Variants in ARID2 observed in about 807,000 individuals in gnomAD.
ARID2 encodes AT-rich interaction domain 2, also known as AT-rich interactive domain-containing protein 2.
Under a neutral mutation model 184.6 loss-of-function variants are expected in ARID2, and 32 were observed. The observed-to-expected ratio is 0.17, with a 90% CI of 0.13 to 0.23. The LOEUF is 0.23. Ranked by LOEUF, ARID2 falls within the 10% of genes least tolerant of loss-of-function variation. The pLI is 1.00. For synonymous variants in ARID2, 836 were observed against 772.6 expected, an observed-to-expected ratio of 1.08 and a Z score of -1.36; for missense variants, 1,696 against 2,197.6, an observed-to-expected ratio of 0.77 and a Z score of 4.56.
intron 3 of ARID2, among the ~76,000 whole-genome samples, chr12:45,740,059 C>G (rs1382921654): frequency 6.6e-6 from 1 of 152,122 alleles, no homozygotes; most frequent in Non-Finnish European, 1.5e-5. Context: ...TCCCAGTGTG[C>G]TTGCAAATAA....
chr12:45,899,538 G>A (rs1340661521), intron 20 of ARID2, among the ~76,000 whole-genome samples: 6 of 149,826 alleles, frequency 4.0e-5, no homozygotes, highest in Non-Finnish European at 4.4e-5. Context: ...CACAGGAGGC[G>A]GAGCTTGCAG....
intron 3 of ARID2, among the ~76,000 whole-genome samples, chr12:45,734,253 C>T (rs1009580093): frequency 6.6e-6 from 1 of 152,156 alleles, no homozygotes; most frequent in Non-Finnish European, 1.5e-5. Context: ...CCTGTAATCC[C>T]AGCTACTTGG....
intron 16 of ARID2, among the ~76,000 whole-genome samples, chr12:45,886,982 C>T (rs1291136073): frequency 6.6e-6 from 1 of 152,224 alleles, no homozygotes; most frequent in Non-Finnish European, 1.5e-5. Context: ...TAACATTCAG[C>T]TCCTTGTTAC....
chr12:45,895,731 C>T (rs1392980520), intron 20 of ARID2, among the ~76,000 whole-genome samples: 1 of 152,150 alleles, frequency 6.6e-6, no homozygotes, highest in Non-Finnish European at 1.5e-5. Flanking sequence ...GACAGAGTTT[C>T]ACCATGTTGG....
At chr12:45,885,905 A>G (rs1944179085) in intron 16 of ARID2, among the ~76,000 whole-genome samples, 1 of 152,172 alleles carries the variant, frequency 6.6e-6, no homozygotes, top group Admixed American at 6.5e-5. Flanking sequence ...GGGAACTACA[A>G]TTCAAGGTGA....
chr12:45,772,946 T>G (rs1241545995), intron 3 of ARID2, among the ~76,000 whole-genome samples: 1 of 152,124 alleles, frequency 6.6e-6, no homozygotes, highest in Non-Finnish European at 1.5e-5. Context: ...TATCCAACAG[T>G]AGCAGAATAT....
intron 16 of ARID2, among the ~76,000 whole-genome samples, chr12:45,888,683 T>C (rs1202424820): frequency 6.6e-6 from 1 of 152,188 alleles, no homozygotes; most frequent in Non-Finnish European, 1.5e-5. Context: ...ATACATATCA[T>C]CAAATTTAAG....
At chr12:45,742,717 T>G (rs1941286809) in intron 3 of ARID2, among the ~76,000 whole-genome samples, 1 of 152,202 alleles carries the variant, frequency 6.6e-6, no homozygotes, top group South Asian at 2.1e-4. Flanking sequence ...CCAGTGTTAC[T>G]GTAGTAAATA....
At chr12:45,811,587 G>A (rs770468570) in intron 4 of ARID2, 36 bp downstream of exon 4, 3 of 1,599,650 alleles carry the variant, frequency 1.9e-6, no homozygotes, top group South Asian at 1.1e-5. Context: ...ATATATGTCC[G>A]CAGTTTTGAA....
At chr12:45,828,515 A>T (rs1291685440) in intron 6 of ARID2, among the ~76,000 whole-genome samples, 1 of 152,052 alleles carries the variant, frequency 6.6e-6, no homozygotes, top group African/African-American at 2.4e-5. Context: ...GGGTATGCAT[A>T]TCTGTATTCA....
At chr12:45,773,315 T>TA (rs1471061483) in intron 3 of ARID2, among the ~76,000 whole-genome samples, 2 of 152,036 alleles carry the variant, frequency 1.3e-5, no homozygotes, top group Non-Finnish European at 2.9e-5. Context: ...CTCAAATTGA[T>TA]ACAGCCGTCT....
At position 45,898,630 on chromosome 12, in the gene ARID2, A is replaced by G. The variant is rs1376859387; in HGVS notation, c.5363+4909A>G. ...AGAGAATTTTTGTTTAAATGGGTGGATTGGGCCAGACGCGGTGGCTTATGC... is the reference window on the plus strand; with the variant it reads ...AGAGAATTTTTGTTTAAATGGGTGGGTTGGGCCAGACGCGGTGGCTTATGC... On this transcript the variant is annotated intron_variant, in intron 20 of 20. Coordinates refer to ENST00000334344, the MANE Select transcript of ARID2 (RefSeq NM_152641.4). 2.6e-5 allele frequency among the ~76,000 whole-genome samples: 4 copies of G among 152,160 alleles called. No individual in the cohort carries two copies. The East Asian group carries it at 7.7e-4, about 29-fold the overall frequency.
At chr12:45,849,800 A>G (rs1391564825) in intron 14 of ARID2, 24 bp downstream of exon 14, 4 of 1,589,210 alleles carry the variant, frequency 2.5e-6, no homozygotes, top group East Asian at 2.2e-5. Flanking sequence ...TTGTATTTTT[A>G]AAGTATTACT....
rs1401801451 is a variant in ARID2, at chr12:45,850,779, C to T, written c.2656C>T (p.Pro886Ser). 1 of 1,614,130 alleles carries T rather than the reference C, an allele frequency of 6.2e-7. No homozygotes were observed. The highest frequency in any genetic ancestry group is 8.5e-7 in the Non-Finnish European group (1 of 1,179,998). ...QMVTIAGVPS[P>S]QASRVGFQNI... ...GGTTACTATTGCTGGTGTCCCAAGTCCACAAGCCTCAAGGGTAGGGTTTCA... is the reference window on the plus strand; with the variant it reads ...GGTTACTATTGCTGGTGTCCCAAGTTCACAAGCCTCAAGGGTAGGGTTTCA... Residue 886 changes from proline (P) to serine (S), a missense_variant, in exon 15 of 21, where the codon CCA (proline) becomes TCA (serine). Pro to Ser is a moderately conservative substitution (Grantham distance 74, BLOSUM62 -1). This residue lies in a region of ARID2 where 713 missense variants were observed against 824.4 expected (regional missense o/e 0.86). Coordinates refer to ENST00000334344, the MANE Select transcript of ARID2 (RefSeq NM_152641.4).
chr12:45,820,047 A>G (rs1297723660), intron 5 of ARID2, among the ~76,000 whole-genome samples: 2 of 151,920 alleles, frequency 1.3e-5, no homozygotes, highest in African/African-American at 4.8e-5. Flanking sequence ...CCCGGCCCCT[A>G]GGGAAGTTTT....
Position 45,817,665 on chromosome 12 carries a change from G to A in ARID2, c.419-5G>A, listed in dbSNP as rs773370365. The A allele has an allele frequency of 2.5e-6, 4 of 1,588,826 alleles. No homozygotes were observed. The East Asian group carries it at 9.0e-5, about 36-fold the overall frequency. On this transcript the variant is annotated splice_region_variant and splice_polypyrimidine_tract_variant and intron_variant, in intron 4 of 20. Coordinates refer to ENST00000334344, the MANE Select transcript of ARID2 (RefSeq NM_152641.4). Reference sequence around the variant, plus strand: ...TATACTTAAGGTATTTTTTTTCTTTGTTAGATTATCTGCGTCAAAGTTATG... The same window carrying A: ...TATACTTAAGGTATTTTTTTTCTTTATTAGATTATCTGCGTCAAAGTTATG...
intron 16 of ARID2, among the ~76,000 whole-genome samples, chr12:45,879,289 T>C (rs1252318689): frequency 1.3e-5 from 2 of 152,148 alleles, no homozygotes; most frequent in Non-Finnish European, 2.9e-5. Flanking sequence ...TCTGGTAAAG[T>C]CGTTTTTCAT....
At chr12:45,855,720 C>T (rs1943635367) in intron 15 of ARID2, among the ~76,000 whole-genome samples, 1 of 152,052 alleles carries the variant, frequency 6.6e-6, no homozygotes, top group Non-Finnish European at 1.5e-5. Context: ...TAATTTCTTT[C>T]TTTTTTGGGT....
At chr12:45,745,293 T>G (rs1029678386) in intron 3 of ARID2, among the ~76,000 whole-genome samples, 3 of 152,196 alleles carry the variant, frequency 2.0e-5, no homozygotes, top group Non-Finnish European at 4.4e-5. Context: ...ATCGTCAGTC[T>G]TAATACTAGA....
Sources: allele counts gnomAD v4.1 joint callset (sites outside exome capture counted in the v4.1 genomes callset), GRCh38; gene constraint gnomAD v4.1.1; regional missense constraint gnomAD v4.1.1; transcripts MANE v1.5; gene names NCBI Gene and HGNC (gene_info 2026-07-23, HGNC 2026-07-21).